PAK5: variants seen among roughly 807,000 people sequenced by gnomAD.
PAK5 encodes the protein serine/threonine-protein kinase PAK 5.
PAK5 carries 16 observed loss-of-function variants against 65.9 expected under a neutral mutation model. The ratio of observed to expected loss-of-function variants is 0.24; its 90% CI spans 0.16 to 0.37. The LOEUF (loss-of-function observed/expected upper bound fraction) is 0.37, where lower values mean the gene tolerates loss of function less well. Ranked by LOEUF, PAK5 falls within the 10% of genes least tolerant of loss-of-function variation. The probability of loss-of-function intolerance (pLI) is 1.00; values close to 1 mark genes in which losing one functional copy is unlikely to be tolerated. For synonymous variants in PAK5, 371 were observed against 354.9 expected (o/e 1.05, Z -0.51); for missense variants, 785 against 903.9 (o/e 0.87, Z 1.69).
chr20:9,640,978 G>A (rs1014324059), intron 3 of PAK5, among the ~76,000 whole-genome samples: 3 of 152,214 alleles, frequency 2.0e-5, no homozygotes, highest in Admixed American at 2.0e-4. Flanking sequence ...CCAGTGGGCT[G>A]CCAATGCTGG....
intron 2 of PAK5, among the ~76,000 whole-genome samples, chr20:9,662,165 T>G (rs1394160931): frequency 2.6e-5 from 4 of 152,188 alleles, no homozygotes; most frequent in African/African-American, 9.7e-5. Context: ...ATATTGTCAG[T>G]GCTATACACC....
At chr20:9,587,304 T>C (rs1362337348) in intron 3 of PAK5, among the ~76,000 whole-genome samples, 1 of 152,192 alleles carries the variant, frequency 6.6e-6, no homozygotes, top group Non-Finnish European at 1.5e-5. Context: ...TAACTTTAGA[T>C]ACAAAATACA....
intron 1 of PAK5, among the ~76,000 whole-genome samples, chr20:9,753,256 G>A (rs1763275335): frequency 6.6e-6 from 1 of 152,100 alleles, no homozygotes; most frequent in South Asian, 2.1e-4. Flanking sequence ...GGAAAGTAAA[G>A]AATCAAGTAT....
At chr20:9,730,539 T>C (rs2048325126) in intron 1 of PAK5, among the ~76,000 whole-genome samples, 1 of 152,212 alleles carries the variant, frequency 6.6e-6, no homozygotes. Context: ...TCACAAGCCT[T>C]TACCAAAAAA....
At chr20:9,604,267 T>C (rs1256968233) in intron 3 of PAK5, among the ~76,000 whole-genome samples, 1 of 152,220 alleles carries the variant, frequency 6.6e-6, no homozygotes, top group Non-Finnish European at 1.5e-5. Flanking sequence ...GGTTGCCAGC[T>C]GGATGTCATT....
At position 9,609,738 on chromosome 20, in the gene PAK5, A is replaced by T. The variant is rs977150204; in HGVS notation, c.205-28808T>A. On this transcript the variant is annotated intron_variant, in intron 3 of 9. Coordinates refer to ENST00000353224, the MANE Select transcript of PAK5 (RefSeq NM_177990.4). ...TGACTATAAATTTTGACAAATTTTC[A>T]ATTTTAGGAATTTGGAAACTTTGGC... Among the ~76,000 whole-genome samples the T allele has an allele frequency of 5.3e-5, 8 of 152,186 alleles. No individual in the cohort carries two copies. The South Asian group carries it at 1.4e-3, about 28-fold the overall frequency.
intron 7 of PAK5, among the ~76,000 whole-genome samples, chr20:9,547,431 C>T (rs1465277520): frequency 6.6e-6 from 1 of 152,304 alleles, no homozygotes; most frequent in Non-Finnish European, 1.5e-5. Context: ...ACATGTATCT[C>T]ATTTGACAGC....
chr20:9,760,492 C>T (rs2036799999), intron 1 of PAK5, among the ~76,000 whole-genome samples: 2 of 150,894 alleles, frequency 1.3e-5, no homozygotes, highest in Admixed American at 6.6e-5. Context: ...ATTAATTCTA[C>T]AAATCTACTG....
chr20:9,634,202 G>A (rs2046956669), intron 3 of PAK5, among the ~76,000 whole-genome samples: 1 of 152,154 alleles, frequency 6.6e-6, no homozygotes, highest in Non-Finnish European at 1.5e-5. Flanking sequence ...GCTGGTTCCA[G>A]GGAGCTGCAG....
At chr20:9,750,178 A>G (rs1254249207) in intron 1 of PAK5, among the ~76,000 whole-genome samples, 2 of 152,076 alleles carry the variant, frequency 1.3e-5, no homozygotes, top group African/African-American at 2.4e-5. Flanking sequence ...TCTTGGTGGC[A>G]GCAAATGTTT....
At chr20:9,717,538 A>T (rs2048163471) in intron 1 of PAK5, among the ~76,000 whole-genome samples, 1 of 152,236 alleles carries the variant, frequency 6.6e-6, no homozygotes, top group Non-Finnish European at 1.5e-5. Flanking sequence ...CAAACAAGCA[A>T]ACAAACAATC....
At chr20:9,552,956 G>C (rs1346637706) in intron 7 of PAK5, among the ~76,000 whole-genome samples, 1 of 151,866 alleles carries the variant, frequency 6.6e-6, no homozygotes, top group East Asian at 1.9e-4. Context: ...TGAACTACTG[G>C]GCTCAAGCAA....
chr20:9,639,792 C>G (rs1411731986), intron 3 of PAK5, among the ~76,000 whole-genome samples: 1 of 152,302 alleles, frequency 6.6e-6, no homozygotes, highest in South Asian at 2.1e-4. Context: ...CTCAGTGGGA[C>G]TGATTGTCAG....
chr20:9,588,972 C>T (rs1215150813), intron 3 of PAK5, among the ~76,000 whole-genome samples: 1 of 152,136 alleles, frequency 6.6e-6, no homozygotes, highest in East Asian at 1.9e-4. Context: ...ACAGCTGTCT[C>T]CCCTTGTTCC....
chr20:9,698,087 A>G (rs1186445800), intron 2 of PAK5, among the ~76,000 whole-genome samples: 1 of 152,164 alleles, frequency 6.6e-6, no homozygotes, highest in East Asian at 1.9e-4. Flanking sequence ...AAAAAATCAG[A>G]TAGCATTACA....
chr20:9,791,890 C>G (rs2049053966), intron 1 of PAK5, among the ~76,000 whole-genome samples: 1 of 152,068 alleles, frequency 6.6e-6, no homozygotes, highest in South Asian at 2.1e-4. Context: ...ATGGCTTCCT[C>G]CCAAGTCTTT....
chr20:9,629,287 G>C (rs1408779010), intron 3 of PAK5, among the ~76,000 whole-genome samples: 1 of 152,150 alleles, frequency 6.6e-6, no homozygotes, highest in Non-Finnish European at 1.5e-5. Flanking sequence ...TTGTTACATA[G>C]CAATAGAAAA....
chr20:9,782,329 C>T (rs969410242), intron 1 of PAK5, among the ~76,000 whole-genome samples: 4 of 152,128 alleles, frequency 2.6e-5, no homozygotes, highest in African/African-American at 7.2e-5. Context: ...ATACTCCAAC[C>T]CAGCCCATCC....
chr20:9,823,409 A>T (rs2049446440), intron 1 of PAK5, among the ~76,000 whole-genome samples: 1 of 152,246 alleles, frequency 6.6e-6, no homozygotes, highest in South Asian at 2.1e-4. Context: ...ACCTTGAATT[A>T]TAATAATCCT....
Sources: allele counts gnomAD v4.1 joint callset (sites outside exome capture counted in the v4.1 genomes callset), GRCh38; gene constraint gnomAD v4.1.1; transcripts MANE v1.5; gene names NCBI Gene and HGNC (gene_info 2026-07-23, HGNC 2026-07-21).